The following ARHGAP1 variants were observed in gnomAD, a reference collection of about 807,000 sequenced individuals.
ARHGAP1 encodes the protein rho GTPase-activating protein 1.
Under a neutral mutation model 52.2 loss-of-function variants are expected in ARHGAP1, and 23 were observed. The ratio of observed to expected loss-of-function variants is 0.44; its 90% confidence interval spans 0.32 to 0.62. The LOEUF is 0.62. ARHGAP1 is among the 20% of genes least tolerant of loss of function. ARHGAP1 has a pLI of 0.05. For synonymous variants in ARHGAP1, 210 were observed against 228.4 expected, an observed-to-expected ratio of 0.92 and a Z score of 0.73; for missense variants, 480 against 560.9, an observed-to-expected ratio of 0.86 and a Z score of 1.46.
Position 46,695,656 on chromosome 11 carries a change from T to C in ARHGAP1, c.229+4A>G. Reference sequence around the variant, plus strand: ...GTTAGGAAAATAGTGTTGGGTGTGCTTACCTGCCACCTCCACGATCTGGTG... The same window carrying C: ...GTTAGGAAAATAGTGTTGGGTGTGCCTACCTGCCACCTCCACGATCTGGTG... On this transcript the variant is annotated splice_donor_region_variant and intron_variant, in intron 3 of 12. Transcript: ENST00000311956. 6.4e-7 allele frequency: 1 copy of C among 1,551,618 alleles called. No individual in the cohort carries two copies. Among genetic ancestry groups the C allele is most frequent in the Admixed American group, 2.0e-5 (1 of 51,006 alleles).
chr11:46,680,966 C>T lies in ARHGAP1; in HGVS notation c.635+45G>A. ...GTCTCTGAATCAGGACACACGTCCT[C>T]ATTACCCTGGCTTCACGAGCCCCCA... On this transcript the variant is annotated intron_variant, in intron 7 of 12. Transcript: ENST00000311956. This position sits in a 1 kb window ranked among gnomAD's most constrained non-coding sequence, Gnocchi z 5.9. 6.5e-7 allele frequency: 1 copy of T among 1,547,038 alleles called. No homozygotes were observed. The highest frequency in any genetic ancestry group is 2.2e-5 in the East Asian group (1 of 44,570).
In ARHGAP1 at chr11:46,680,536, C is replaced by T. The variant is rs777427802; in HGVS notation, c.771G>A (p.Glu257=). Residue 257 remains glutamate (E), a synonymous_variant, in exon 9 of 13, where the codon GAG becomes GAA. Transcript: ENST00000311956. The surrounding 1 kb of genome is among the most constrained non-coding windows in gnomAD (Gnocchi z 5.9). ...QHLQEKNPEQ[E]PIPIVLRETV... ...TCTCCCTGAGTACAATGGGAATGGGCTCCTGCTCTGGATTCTTCTCCTGGA... is the reference window on the plus strand; with the variant it reads ...TCTCCCTGAGTACAATGGGAATGGGTTCCTGCTCTGGATTCTTCTCCTGGA... The T allele has an allele frequency of 9.3e-6, 15 of 1,614,034 alleles. No individual in the cohort carries two copies. The highest frequency in any genetic ancestry group is 1.2e-5 in the Non-Finnish European group (14 of 1,180,024).
In ARHGAP1 at chr11:46,679,293, C is replaced by T. The variant is rs1158727217; in HGVS notation, c.1132-68G>A. ...TGCCTCCCACTCCCAGCAACAATGA[C>T]CAGGGCGCAGAGGAGGCGGCAGCTC... On this transcript the variant is annotated intron_variant, in intron 12 of 12. Transcript: ENST00000311956. The surrounding 1 kb of genome is among the most constrained non-coding windows in gnomAD (Gnocchi z 4.4). The T allele has an allele frequency of 6.3e-7, 1 of 1,599,860 alleles. No homozygotes were observed. Among genetic ancestry groups the T allele is most frequent in the Admixed American group, 1.7e-5 (1 of 59,170 alleles).
At chr11:46,685,678 T>C (rs1290412491) in intron 4 of ARHGAP1, among the ~76,000 whole-genome samples, 31 of 92,974 alleles carry the variant, frequency 3.3e-4, no homozygotes, top group Admixed American at 1.1e-3. Flanking sequence ...ACAAGTCTCT[T>C]TTTTTTTTTT....
chr11:46,698,611 A>C (rs1177635843), intron 1 of ARHGAP1, among the ~76,000 whole-genome samples: 1 of 150,814 alleles, frequency 6.6e-6, no homozygotes, highest in East Asian at 1.9e-4. Context: ...CTGTTTCAAA[A>C]AAAAAAAAAA....
chr11:46,688,297 G>C (rs1422702795), intron 3 of ARHGAP1, 37 bp from the exon 4 acceptor site: 1 of 1,587,384 alleles, frequency 6.3e-7, no homozygotes, highest in African/African-American at 1.3e-5. Flanking sequence ...GTGGGTTGAA[G>C]GGGAACCAAA....
chr11:46,692,498 T>G (rs2064621565), intron 3 of ARHGAP1, among the ~76,000 whole-genome samples: 1 of 152,104 alleles, frequency 6.6e-6, no homozygotes, highest in South Asian at 2.1e-4. Flanking sequence ...GTGAGGCCCC[T>G]GGGTCTAAAA....
In ARHGAP1 at chr11:46,678,269, C is replaced by T. The variant is rs543187938; in HGVS notation, c.*768G>A. Reference sequence around the variant, plus strand: ...CTGGCCGGTCACTGATTCCATCACACGCTGTAGCTCTCGGGGGCGGGGAGG... The same window carrying T: ...CTGGCCGGTCACTGATTCCATCACATGCTGTAGCTCTCGGGGGCGGGGAGG... On this transcript the variant is annotated 3_prime_UTR_variant, in exon 13 of 13. Transcript: ENST00000311956. 2.5e-3 allele frequency: 434 copies of T among 174,510 alleles called. 1 individual carries two copies. The highest frequency in any genetic ancestry group is 9.8e-3 in the African/African-American group (408 of 41,528). 10.8% of individuals were successfully genotyped at this position (174,510 alleles called of 1,614,324 possible).
At position 46,696,012 on chromosome 11, in the gene ARHGAP1, G is replaced by C; in HGVS notation, c.96C>G (p.Asn32Lys). ...AGTCAGGCATTTCATCCGAGGGCCA[G>C]TTCTTCTCATCGATGGAGGCCAGCT... ...QLKLASIDEK[N>K]WPSDEMPDFP... is the part of the protein sequence containing the mutation. The change falls in exon 2 of 13, where the codon AAC becomes AAG. Residue 32 changes from asparagine to lysine, a missense_variant. By Grantham distance (94) the Asn-to-Lys change is moderately conservative. Transcript: ENST00000311956. The surrounding 1 kb of genome is among the most constrained non-coding windows in gnomAD (Gnocchi z 4.8). The C allele has an allele frequency of 6.2e-7, 1 of 1,614,222 alleles. No homozygotes were observed. The highest frequency in any genetic ancestry group is 8.5e-7 in the Non-Finnish European group (1 of 1,180,034).
chr11:46,697,556 G>A (rs932455415), intron 1 of ARHGAP1: 3 of 152,126 alleles, frequency 2.0e-5, no homozygotes, highest in Non-Finnish European at 2.9e-5. Context: ...TCACATCACA[G>A]CCAAGGGCCC....
At position 46,681,028 on chromosome 11, in the gene ARHGAP1, G is replaced by A. The variant is rs2134478438; in HGVS notation, c.618C>T (p.Ile206=). The change falls in exon 7 of 13, where the codon ATC becomes ATT. Residue 206 remains isoleucine, a synonymous_variant. Transcript: ENST00000311956. The surrounding 1 kb of genome is among the most constrained non-coding windows in gnomAD (Gnocchi z 5.7). ...CGCCTCACTTGAGCACTTGGCGAGGGATCCCCAGCTGCTCCAGCTTCACGT... is the reference window on the plus strand; with the variant it reads ...CGCCTCACTTGAGCACTTGGCGAGGAATCCCCAGCTGCTCCAGCTTCACGT... ...SEHVKLEQLG[I]PRQVLKYDDF... is the part of the protein sequence containing the mutation. The A allele has an allele frequency of 1.2e-6, 2 of 1,614,106 alleles. No individual in the cohort carries two copies. The highest frequency in any genetic ancestry group is 1.7e-6 in the Non-Finnish European group (2 of 1,180,028).
At position 46,680,692 on chromosome 11, in the gene ARHGAP1, T is replaced by C. The variant is rs1257398057; in HGVS notation, c.691A>G (p.Met231Val). ...QKSPATAPKP[M>V]PPRPPLPNQQ... ...TTGGGCAGGGGGGGCCGTGGGGGCA[T>C]GGGCTTGGGGGCTGTCGCGGGGCTC... Residue 231 changes from methionine (M) to valine (V), a missense_variant, in exon 8 of 13, where the codon ATG becomes GTG. By Grantham distance (21) the Met-to-Val change is conservative. Transcript: ENST00000311956. This position sits in a 1 kb window ranked among gnomAD's most constrained non-coding sequence, Gnocchi z 5.9. The C allele has an allele frequency of 1.3e-6, 2 of 1,599,502 alleles. No individual in the cohort carries two copies. The highest frequency in any genetic ancestry group is 1.7e-6 in the Non-Finnish European group (2 of 1,172,018).
Position 46,678,966 on chromosome 11 carries a change from G to T in ARHGAP1, c.*71C>A. 1.3e-6 allele frequency: 2 copies of T among 1,518,464 alleles called. No individual in the cohort carries two copies. The highest frequency in any genetic ancestry group is 9.0e-7 in the Non-Finnish European group (1 of 1,111,046). The allele number at this position is 1,518,464 out of a possible 1,614,324, so 94.1% of individuals were successfully genotyped here. On this transcript the variant is annotated 3_prime_UTR_variant, in exon 13 of 13. Transcript: ENST00000311956. ...ACATCTCTCTCCAGGGGGCTTCATG[G>T]CCCCTGATGCCAGGAGGAAGAGTCC...
chr11:46,695,293 T>C, intron 3 of ARHGAP1: 1 of 360,458 alleles, frequency 2.8e-6, no homozygotes, highest in Non-Finnish European at 5.4e-6. Flanking sequence ...CTGGCACTCC[T>C]CATCCTCCCC....
chr11:46,688,058 G>C (rs141546827), intron 4 of ARHGAP1, 115 bp downstream of exon 4: 1 of 938,586 alleles, frequency 1.1e-6, no homozygotes, highest in Non-Finnish European at 1.6e-6. Flanking sequence ...AAGAGGGAAG[G>C]CATTAAGGCA....
intron 3 of ARHGAP1, among the ~76,000 whole-genome samples, chr11:46,693,494 C>T (rs1247840969): frequency 6.6e-6 from 1 of 151,794 alleles, no homozygotes; most frequent in Non-Finnish European, 1.5e-5. Flanking sequence ...CAGCCTCCAA[C>T]TCCTGGACTG....
chr11:46,684,948 T>C (rs1417405852), intron 4 of ARHGAP1, among the ~76,000 whole-genome samples: 3 of 151,648 alleles, frequency 2.0e-5, no homozygotes, highest in Non-Finnish European at 4.4e-5. Flanking sequence ...ATTAGCTGAG[T>C]GTGGTGGTGC....
chr11:46,677,854 G>A lies in ARHGAP1; in HGVS notation c.*1183C>T, dbSNP rs1203835743. 1.8e-5 allele frequency: 7 copies of A among 388,976 alleles called. No homozygotes were observed. The highest frequency in any genetic ancestry group is 1.3e-4 in the African/African-American group (6 of 46,144). The allele number at this position is 388,976 out of a possible 1,614,324, so 24.1% of individuals were successfully genotyped here. A position where few individuals can be genotyped will look rare whatever the true frequency, so the allele number is the denominator to read the frequency against. Reference sequence around the variant, plus strand: ...AGTCCCAGCTACTCAGGAGGCTGAGGCAGGAGAATTGCTTGAACCCAGAAG... The same window carrying A: ...AGTCCCAGCTACTCAGGAGGCTGAGACAGGAGAATTGCTTGAACCCAGAAG... On this transcript the variant is annotated 3_prime_UTR_variant, in exon 13 of 13. Transcript: ENST00000311956.
At chr11:46,693,112 A>T (rs1289459561) in intron 3 of ARHGAP1, among the ~76,000 whole-genome samples, 1 of 152,100 alleles carries the variant, frequency 6.6e-6, no homozygotes, top group African/African-American at 2.4e-5. Flanking sequence ...TCGGCCTCCC[A>T]AAATGCTGGG....
Sources: gnomAD v4.1 joint callset for allele counts (sites outside exome capture counted in the v4.1 genomes callset) on GRCh38, gnomAD v4.1.1 for gene constraint, Gnocchi (gnomAD v3.1) non-coding constraint, MANE v1.5 for transcripts, NCBI Gene and HGNC (gene_info 2026-07-23, HGNC 2026-07-21) for gene names.